ARFGEF3: variants seen among roughly 807,000 people sequenced by gnomAD.
ARFGEF3 encodes the protein ARFGEF family member 3.
Under a neutral mutation model 221.7 loss-of-function variants are expected in ARFGEF3, and 96 were observed. That is an observed-to-expected ratio of 0.43 (90% CI 0.37 to 0.51). ARFGEF3 has a LOEUF of 0.51. Among genes scored for constraint, ARFGEF3 ranks in the 20% least tolerant of loss-of-function variants. The pLI is 0.00. For synonymous variants in ARFGEF3, 1,145 were observed against 1,126.8 expected (o/e 1.02, Z -0.32); for missense variants, 2,410 against 2,789.9 (o/e 0.86, Z 3.07).
intron 24 of ARFGEF3, among the ~76,000 whole-genome samples, chr6:138,309,666 A>C (rs914353756): frequency 6.6e-6 from 1 of 152,224 alleles, no homozygotes; most frequent in Non-Finnish European, 1.5e-5. Flanking sequence ...AAACCAAGGA[A>C]GCCGATAACA....
intron 28 of ARFGEF3, among the ~76,000 whole-genome samples, chr6:138,320,114 G>A (rs181884982): frequency 4.6e-4 from 70 of 152,224 alleles, no homozygotes; most frequent in African/African-American, 1.6e-3. Context: ...ATATATGTGT[G>A]GTAGAAAATA....
At chr6:138,323,242 C>T (rs1440422614) in intron 29 of ARFGEF3, among the ~76,000 whole-genome samples, 4 of 152,272 alleles carry the variant, frequency 2.6e-5, no homozygotes, top group Admixed American at 6.5e-5. Flanking sequence ...GACAAGGAGA[C>T]TTGGCAGGGA....
Position 138,217,708 on chromosome 6 carries a change from G to A in ARFGEF3, c.351+7667G>A, listed in dbSNP as rs1455887140. 4.6e-5 allele frequency: 16 copies of A among 347,664 alleles called. No individual in the cohort carries two copies. In the East Asian group the frequency reaches 8.5e-4, roughly 18 times the overall value. 21.5% of individuals were successfully genotyped at this position (347,664 alleles called of 1,614,324 possible). A position where few individuals can be genotyped will look rare whatever the true frequency, so the allele number is the denominator to read the frequency against. ...TAGTTTAGTTATTGACTAATGGAGA[G>A]ACAGAAACACATGTGGTAGTTTTTA... On this transcript the variant is annotated intron_variant, in intron 4 of 33. Transcript: ENST00000251691.
chr6:138,217,993 T>C, intron 4 of ARFGEF3: 1 of 1,604,770 alleles, frequency 6.2e-7, no homozygotes. Context: ...AGAGTTTATA[T>C]GATCTGTGGA....
rs1268372801 is a variant in ARFGEF3 at position 138,262,705 on chromosome 6, A to G, written c.1222A>G (p.Met408Val). The change falls in exon 12 of 34, where the codon ATG becomes GTG. Residue 408 changes from methionine (M) to valine (V), a missense_variant. Transcript: ENST00000251691. ...TCTCTTTTGAACACTGTTTAGCATC[A>G]TGGATGGCATGACCGAAGCATGCAT... Reference protein sequence around the residue: ...KSHLDLLKLIMDGMTEACIKG... With the variant: ...KSHLDLLKLIVDGMTEACIKG... 6 of 1,600,110 alleles carry G rather than the reference A, an allele frequency of 3.7e-6. No homozygotes were observed. The highest frequency in any genetic ancestry group is 5.1e-6 in the Non-Finnish European group (6 of 1,169,222).
At position 138,289,890 on chromosome 6, in the gene ARFGEF3, T is replaced by A. The variant is rs762671463; in HGVS notation, c.2969T>A (p.Val990Asp). ...VQGVWLHTAHVLCMEAILSVG... is the reference protein window; with the variant it reads ...VQGVWLHTAHDLCMEAILSVG... ...GGGGTGTGGCTGCACACTGCCCACG[T>A]CTTGTGCATGGAGGCCATCCTCAGC... The change falls in exon 18 of 34, where the codon GTC (valine) becomes GAC (aspartate). Residue 990 changes from valine (V) to aspartate (D), a missense_variant. Physicochemically the swap from Val to Asp is radical, Grantham distance 152 (BLOSUM62 -3). This residue lies in a region of ARFGEF3 where 594 missense variants were observed against 734.3 expected (regional missense o/e 0.81). Transcript: ENST00000251691. 2.5e-6 allele frequency: 4 copies of A among 1,613,916 alleles called. No homozygotes were observed. Among genetic ancestry groups the A allele is most frequent in the Non-Finnish European group, 3.4e-6 (4 of 1,179,844 alleles).
chr6:138,278,951 C>T (rs113618555), intron 13 of ARFGEF3, among the ~76,000 whole-genome samples: 2 of 152,224 alleles, frequency 1.3e-5, no homozygotes, highest in East Asian at 1.9e-4. Context: ...TGTTCAAAAC[C>T]ACATCATTGA....
At chr6:138,274,507 C>A (rs1231635513) in intron 12 of ARFGEF3, among the ~76,000 whole-genome samples, 1 of 152,162 alleles carries the variant, frequency 6.6e-6, no homozygotes, top group Non-Finnish European at 1.5e-5. Flanking sequence ...TTTTAAAATG[C>A]ACCTCAGCCT....
rs779000006 is a variant in ARFGEF3, at chr6:138,209,951, T to G, written c.261T>G (p.Asp87Glu). Residue 87 changes from aspartate (D) to glutamate (E), a missense_variant, in exon 4 of 34, where the codon GAT (aspartate) becomes GAG (glutamate). Asp to Glu is a conservative substitution (Grantham distance 45, BLOSUM62 2). Transcript: ENST00000251691. The part of the protein sequence containing the change: ...SEERFVSMET[D>E]SDEKQLLNQI... ...AGAGGTTTGTATCCATGGAAACAGA[T>G]TCTGATGAGAAGCAGCTGCTCAATC... The G allele has an allele frequency of 6.2e-7, 1 of 1,613,834 alleles. No homozygotes were observed. Among genetic ancestry groups the G allele is most frequent in the Admixed American group, 1.7e-5 (1 of 60,016 alleles).
At chr6:138,209,295 A>G (rs543508407) in intron 3 of ARFGEF3, among the ~76,000 whole-genome samples, 1 of 152,164 alleles carries the variant, frequency 6.6e-6, no homozygotes, top group East Asian at 1.9e-4. Flanking sequence ...ACTAGTGGGT[A>G]GGGCTAGCTT....
At chr6:138,301,814 A>G (rs1041423879) in intron 22 of ARFGEF3, among the ~76,000 whole-genome samples, 3 of 152,198 alleles carry the variant, frequency 2.0e-5, no homozygotes, top group African/African-American at 7.2e-5. Flanking sequence ...GTGTTTGAGC[A>G]TAGTTTCCAC....
intron 4 of ARFGEF3, among the ~76,000 whole-genome samples, chr6:138,211,195 A>G (rs1777720314): frequency 6.6e-6 from 1 of 152,210 alleles, no homozygotes; most frequent in Non-Finnish European, 1.5e-5. Flanking sequence ...GCACAAAGCT[A>G]GTGCTTTAGA....
At chr6:138,331,954 GT>G (rs919647581) in intron 32 of ARFGEF3, among the ~76,000 whole-genome samples, 2 of 151,694 alleles carry the variant, frequency 1.3e-5, no homozygotes, top group African/African-American at 4.8e-5. Context: ...GGAATTTGCT[GT>G]CCTTTTTTAC....
rs1006886911 is a variant in ARFGEF3 at position 138,162,274 on chromosome 6, C to T, written c.85+103C>T. On this transcript the variant is annotated intron_variant, in intron 1 of 33. Coordinates refer to ENST00000251691, the MANE Select transcript of ARFGEF3 (RefSeq NM_020340.5). The surrounding 1 kb of genome is among the most constrained non-coding windows in gnomAD (Gnocchi z 4.7). ...TTTCGCGGAGCGTCGGTCATGGGTGCCGTTCTGGCGATTGCGAGAGTCGCC... is the reference window on the plus strand; with the variant it reads ...TTTCGCGGAGCGTCGGTCATGGGTGTCGTTCTGGCGATTGCGAGAGTCGCC... 8 of 759,220 alleles carry T rather than the reference C, an allele frequency of 1.1e-5. No homozygotes were observed. In the Admixed American group the frequency reaches 1.3e-4, roughly 12 times the overall value. The allele number at this position is 759,220 out of a possible 1,614,324, so 47.0% of individuals were successfully genotyped here.
rs536409180 is a variant in ARFGEF3, at chr6:138,180,668, G to A, written c.137+9955G>A. Among the ~76,000 whole-genome samples the A allele has an allele frequency of 6.6e-5, 10 of 152,276 alleles. No homozygotes were observed. In the South Asian group the frequency reaches 1.2e-3, roughly 19 times the overall value. On this transcript the variant is annotated intron_variant, in intron 2 of 33. Coordinates refer to ENST00000251691, the MANE Select transcript of ARFGEF3 (RefSeq NM_020340.5). ...AGCCTGGCTCATTTTCAGATTTAGC[G>A]AATTCTTTATCCCAGCAAGCTGTGA...
intron 12 of ARFGEF3, among the ~76,000 whole-genome samples, chr6:138,271,758 T>C (rs1186861343): frequency 1.3e-5 from 2 of 152,254 alleles, no homozygotes; most frequent in African/African-American, 4.8e-5. Context: ...TTTGTTGCCA[T>C]GTCCCTTGTG....
At chr6:138,169,254 G>C (rs1776780342) in intron 1 of ARFGEF3, among the ~76,000 whole-genome samples, 2 of 152,302 alleles carry the variant, frequency 1.3e-5, no homozygotes, top group South Asian at 4.1e-4. Flanking sequence ...TTACAGCAAA[G>C]CTGCAGGCCA....
At chr6:138,299,198 TA>T (rs60475752) in intron 22 of ARFGEF3, among the ~76,000 whole-genome samples, 999 of 39,318 alleles carry the variant, frequency 0.025, 3 homozygotes, top group African/African-American at 0.052. Flanking sequence ...CGAGACTCTG[TA>T]AAAAAAAAAA....
At chr6:138,315,713 G>T (rs766325679) in intron 26 of ARFGEF3, among the ~76,000 whole-genome samples, 1 of 151,912 alleles carries the variant, frequency 6.6e-6, no homozygotes, top group Non-Finnish European at 1.5e-5. Context: ...AGTCAAGCGT[G>T]GTGGGGGGGC....
Sources: gnomAD v4.1 joint callset for allele counts (sites outside exome capture counted in the v4.1 genomes callset) on GRCh38, gnomAD v4.1.1 for gene constraint, gnomAD v4.1.1 regional missense constraint, Gnocchi (gnomAD v3.1) non-coding constraint, MANE v1.5 for transcripts, NCBI Gene and HGNC (gene_info 2026-07-23, HGNC 2026-07-21) for gene names.